The following AKT1 variants were observed in gnomAD, a reference collection of about 807,000 sequenced individuals.
AKT1 encodes RAC-alpha serine/threonine-protein kinase.
Under a neutral mutation model 63.1 loss-of-function variants are expected in AKT1, and 21 were observed. That is an observed-to-expected ratio of 0.33 (90% CI 0.24 to 0.48). The LOEUF (loss-of-function observed/expected upper bound fraction) is 0.48, where lower values mean the gene tolerates loss of function less well. Ranked by LOEUF, AKT1 falls within the 20% of genes least tolerant of loss-of-function variation. The pLI is 0.99. For missense variants in AKT1, 382 were observed against 666.0 expected (o/e 0.57, Z 4.69); for synonymous variants, 257 against 253.1 (o/e 1.02, Z -0.15).
At position 104,769,665 on chromosome 14, in the gene AKT1, AC is replaced by A. The variant is rs566232803; in HGVS notation, c.*675del. ...GGGGAAGGGGGAGGGCTTTCCTGTC[AC>A]AAAGATTAAAAACCCCCAAAATGCA... On this transcript the variant is annotated 3_prime_UTR_variant, in exon 15 of 15. Transcript: ENST00000649815. 1.4e-3 allele frequency: 647 copies of A among 476,698 alleles called. 5 individuals are homozygous for A. The highest frequency in any genetic ancestry group is 0.011 in the African/African-American group (577 of 50,242). 29.5% of individuals were successfully genotyped at this position (476,698 alleles called of 1,614,324 possible).
chr14:104,790,710 C>T (rs1893584974), intron 3 of AKT1, among the ~76,000 whole-genome samples: 1 of 152,132 alleles, frequency 6.6e-6, no homozygotes, highest in Non-Finnish European at 1.5e-5. Flanking sequence ...GAGGAAGAGC[C>T]GGGGGTAGAG....
intron 9 of AKT1, 131 bp from the exon 10 acceptor site, chr14:104,773,711 C>T: frequency 7.2e-7 from 1 of 1,386,202 alleles, no homozygotes; most frequent in Non-Finnish European, 9.7e-7. Context: ...GGCACGGGGG[C>T]CTGGAAAGTC....
chr14:104,774,087 CGCCCGTAGCCCCACACCACACT>C, intron 8 of AKT1, 107 bp from the exon 9 acceptor site: 1 of 1,048,066 alleles, frequency 9.5e-7, no homozygotes, highest in Non-Finnish European at 1.4e-6. Flanking sequence ...GATACCACAC[CGCCCGTAGCCCCACACCACACT>C]GCCCGACACC....
chr14:104,773,593 C>A lies in AKT1; in HGVS notation c.703-13G>T. ...GGTGGAAGAACAGCTGCGGGAGGCGCAACCTGAGGCACAGCCGTGGCTCGG... is the reference window on the plus strand; with the variant it reads ...GGTGGAAGAACAGCTGCGGGAGGCGAAACCTGAGGCACAGCCGTGGCTCGG... On this transcript the variant is annotated splice_polypyrimidine_tract_variant and intron_variant, in intron 9 of 14. Coordinates refer to ENST00000649815, the MANE Select transcript of AKT1 (RefSeq NM_001382430.1). 6.3e-7 allele frequency: 1 copy of A among 1,598,954 alleles called. No individual in the cohort carries two copies. Among genetic ancestry groups the A allele is most frequent in the Non-Finnish European group, 8.5e-7 (1 of 1,173,524 alleles).
intron 2 of AKT1, 133 bp from the exon 3 acceptor site, chr14:104,792,855 T>G: frequency 1.6e-6 from 1 of 629,146 alleles, no homozygotes; most frequent in Non-Finnish European, 2.9e-6. Flanking sequence ...TGGGCTGCCA[T>G]CCCTCTAAGC....
intron 12 of AKT1, 125 bp from the exon 13 acceptor site, chr14:104,772,577 G>T: frequency 1.0e-6 from 1 of 957,176 alleles, no homozygotes; most frequent in East Asian, 2.6e-5. Context: ...GAGGGGAGCC[G>T]GTGGTGCAGC....
rs1436788573 is a variant in AKT1, at chr14:104,770,323, G to C, written c.*18C>G. ...CTCCATCCCTCCAAGCTATCGTCCA[G>C]CGCAGTCCACCGCCGCCTCAGGCCG... On this transcript the variant is annotated 3_prime_UTR_variant, in exon 15 of 15. Coordinates refer to ENST00000649815, the MANE Select transcript of AKT1 (RefSeq NM_001382430.1). 1.2e-6 allele frequency: 2 copies of C among 1,604,034 alleles called. No individual in the cohort carries two copies. The highest frequency in any genetic ancestry group is 1.7e-6 in the Non-Finnish European group (2 of 1,177,334).
In AKT1 at chr14:104,773,979, G is replaced by A. The variant is rs1163499100; in HGVS notation, c.635C>T (p.Ala212Val). 6.2e-7 allele frequency: 1 copy of A among 1,612,200 alleles called. No homozygotes were observed. Among genetic ancestry groups the A allele is most frequent in the Non-Finnish European group, 8.5e-7 (1 of 1,178,936 alleles). ...LQNSRHPFLT[A>V]LKYSFQTHDR... is the part of the protein sequence containing the mutation. ...GTGGGTCTGGAAAGAGTACTTCAGG[G>A]CCTGCAAGGAAGGGGAGCTGGAACT... Residue 212 changes from alanine to valine, a missense_variant and splice_region_variant, in exon 9 of 15, where the codon GCC (alanine) becomes GTC (valine). Transcript: ENST00000649815.
At chr14:104,787,868 C>T (rs933299668) in intron 3 of AKT1, among the ~76,000 whole-genome samples, 2 of 152,240 alleles carry the variant, frequency 1.3e-5, no homozygotes, top group Non-Finnish European at 2.9e-5. Flanking sequence ...CCCTCACCCC[C>T]ACTCAAGGCC....
chr14:104,772,477 G>A (rs2140898666), intron 12 of AKT1, 25 bp from the exon 13 acceptor site: 1 of 1,611,908 alleles, frequency 6.2e-7, no homozygotes, highest in Non-Finnish European at 8.5e-7. Flanking sequence ...CAAGGCCACA[G>A]TGTCGGTACC....
At chr14:104,780,422 G>A (rs970129828) in intron 3 of AKT1, among the ~76,000 whole-genome samples, 3 of 152,150 alleles carry the variant, frequency 2.0e-5, no homozygotes, top group African/African-American at 2.4e-5. Flanking sequence ...CCACCACAGC[G>A]CCCCTCTCAG....
rs1056997647 is a variant in AKT1 at position 104,783,620 on chromosome 14, C to T, written c.47-3404G>A. On this transcript the variant is annotated intron_variant, in intron 3 of 14. Coordinates refer to ENST00000649815, the MANE Select transcript of AKT1 (RefSeq NM_001382430.1). ...GCCAGGCCCTCACTCCAGACGGGTA[C>T]AGGCAGGCAACAAATGGGGAGGCCA... is the stretch of plus-strand genomic sequence containing the variant. 5.3e-5 allele frequency among the ~76,000 whole-genome samples: 8 copies of T among 151,952 alleles called. No individual in the cohort carries two copies. In the East Asian group the frequency reaches 1.6e-3, roughly 30 times the overall value.
chr14:104,783,563 C>T (rs1266829558), intron 3 of AKT1, among the ~76,000 whole-genome samples: 1 of 139,472 alleles, frequency 7.2e-6, no homozygotes, highest in Non-Finnish European at 1.5e-5. Context: ...GGGCACCAAA[C>T]ACAGAGTGGG....
Position 104,774,826 on chromosome 14 carries a change from C to T in AKT1, c.633+112G>A, listed in dbSNP as rs762502798. On this transcript the variant is annotated intron_variant, in intron 8 of 14. Transcript: ENST00000649815. ...CCTGTCTCACCAGCGGCGGAGTCCA[C>T]GGTGTGTAAAGCCCTCACGTGCCCA... The T allele has an allele frequency of 1.6e-4, 197 of 1,199,508 alleles. 1 individual carries two copies. The highest frequency in any genetic ancestry group is 2.2e-4 in the Non-Finnish European group (187 of 857,894). 74.3% of individuals were successfully genotyped at this position (1,199,508 alleles called of 1,614,324 possible).
At chr14:104,783,528 C>A (rs1439482786) in intron 3 of AKT1, among the ~76,000 whole-genome samples, 2 of 150,310 alleles carry the variant, frequency 1.3e-5, no homozygotes, top group Admixed American at 1.3e-4. Context: ...CCAACACCAC[C>A]CCACCCACCT....
chr14:104,770,055 T>C lies in AKT1; in HGVS notation c.*286A>G. On this transcript the variant is annotated 3_prime_UTR_variant, in exon 15 of 15. Transcript: ENST00000649815. ...GCCACATTGCGCATAGCTGCAGAAG[T>C]CCTTAACATTTCCCTACGTGAATCG... The C allele has an allele frequency of 3.8e-6, 2 of 526,018 alleles. No homozygotes were observed. Among genetic ancestry groups the C allele is most frequent in the Non-Finnish European group, 6.9e-6 (2 of 290,478 alleles). 32.6% of individuals were successfully genotyped at this position (526,018 alleles called of 1,614,324 possible). A position where few individuals can be genotyped will look rare whatever the true frequency, so the allele number is the denominator to read the frequency against.
chr14:104,787,822 TG>T (rs1266953289), intron 3 of AKT1, among the ~76,000 whole-genome samples: 11 of 152,204 alleles, frequency 7.2e-5, no homozygotes, highest in Non-Finnish European at 2.9e-5. Flanking sequence ...CCACCAGGCG[TG>T]GGGGCTAAGG....
At chr14:104,773,862 TGG>T in intron 9 of AKT1, 48 bp downstream of exon 9, 2 of 1,538,530 alleles carry the variant, frequency 1.3e-6, no homozygotes, top group South Asian at 2.3e-5. Context: ...GGCCCCACCA[TGG>T]GCGGCCCACA....
At chr14:104,775,936 A>G (rs1302588947) in intron 5 of AKT1, 137 bp from the exon 6 acceptor site, 27 of 1,055,522 alleles carry the variant, frequency 2.6e-5, no homozygotes, top group Non-Finnish European at 3.7e-5. Flanking sequence ...GGAGGCCACC[A>G]CTTGACCTGG....
Sources: gnomAD v4.1 joint callset for allele counts (sites outside exome capture counted in the v4.1 genomes callset) on GRCh38, gnomAD v4.1.1 for gene constraint, MANE v1.5 for transcripts, NCBI Gene and HGNC (gene_info 2026-07-23, HGNC 2026-07-21) for gene names.